The following DMD variants were observed in gnomAD, a reference collection of about 807,000 sequenced individuals.
The protein encoded by DMD is mutant dystrophin.
DMD carries 63 observed loss-of-function variants against 330.1 expected under a neutral mutation model. The observed-to-expected ratio is 0.19, with a 90% CI of 0.16 to 0.24. DMD has a LOEUF of 0.24. Among genes scored for constraint, DMD ranks in the 10% least tolerant of loss-of-function variants. The pLI, the probability that DMD is intolerant of heterozygous loss-of-function variation, is 1.00. For synonymous variants in DMD, 1,223 were observed against 959.8 expected, an observed-to-expected ratio of 1.27 and a Z score of -5.07; for missense variants, 3,344 against 2,684.1, an observed-to-expected ratio of 1.25 and a Z score of -5.43.
chrX:33,186,324 T>C (rs188168810), intron 1 of DMD, among the ~76,000 whole-genome samples: 1 of 112,118 alleles, frequency 8.9e-6, no homozygotes, highest in African/African-American at 3.2e-5. Flanking sequence ...GAATTTGAGA[T>C]CTATTTTCTG....
intron 1 of DMD, among the ~76,000 whole-genome samples, chrX:33,236,301 G>C (rs144171865): frequency 0.05 from 4,992 of 99,030 alleles, 336 homozygotes; most frequent in African/African-American, 0.18. Flanking sequence ...TTTCCCTCTT[G>C]TCACCTAGGC....
intron 44 of DMD, among the ~76,000 whole-genome samples, chrX:31,988,246 G>C (rs1230568963): frequency 9.1e-6 from 1 of 110,054 alleles, no homozygotes; most frequent in African/African-American, 3.3e-5. Flanking sequence ...GCCAAGGTGG[G>C]TGGATCATGA....
intron 16 of DMD, among the ~76,000 whole-genome samples, chrX:32,561,757 A>C (rs896013943): frequency 5.4e-5 from 6 of 111,903 alleles, no homozygotes; most frequent in Admixed American, 9.5e-5. Context: ...CTCCAGGTTT[A>C]AATGAAAGAA....
At chrX:32,350,789 G>A (rs1394207422) in intron 37 of DMD, among the ~76,000 whole-genome samples, 1 of 111,190 alleles carries the variant, frequency 9.0e-6, no homozygotes. Flanking sequence ...AGTAGTCAAG[G>A]CTTCTCCTAA....
chrX:31,570,396 T>C (rs765593538), intron 55 of DMD, among the ~76,000 whole-genome samples: 3 of 111,370 alleles, frequency 2.7e-5, no homozygotes, highest in South Asian at 3.8e-4. Flanking sequence ...TTCTTCTCCA[T>C]TGTTATTCCT....
intron 2 of DMD, among the ~76,000 whole-genome samples, chrX:32,977,828 T>C (rs2092597788): frequency 9.0e-6 from 1 of 111,425 alleles, no homozygotes; most frequent in African/African-American, 3.3e-5. Flanking sequence ...AGTTCTTCAT[T>C]CCACTAAACA....
In DMD at chrX:32,501,862, AT is replaced by A. The variant is rs1273151677; in HGVS notation, c.2293-21del. ...TATGGCCTGCAGCATGAGAGCAAAGATGAGTAATTCAATACAAGGACTGTGA... is the reference window on the plus strand; with the variant it reads ...TATGGCCTGCAGCATGAGAGCAAAGAGAGTAATTCAATACAAGGACTGTGA... On this transcript the variant is annotated intron_variant, in intron 18 of 78. Coordinates refer to ENST00000357033, the MANE Select transcript of DMD (RefSeq NM_004006.3). 3 of 1,127,484 alleles carry A rather than the reference AT, an allele frequency of 2.7e-6. No homozygotes were observed. The East Asian group carries it at 9.0e-5, about 34-fold the overall frequency. 92.9% of individuals were successfully genotyped at this position (1,127,484 alleles called of 1,213,427 possible). A position where few individuals can be genotyped will look rare whatever the true frequency, so the allele number is the denominator to read the frequency against.
intron 55 of DMD, among the ~76,000 whole-genome samples, chrX:31,535,510 C>A (rs1044387188): frequency 2.2e-5 from 2 of 89,876 alleles, no homozygotes; most frequent in African/African-American, 8.3e-5. Context: ...AAGATTTAAA[C>A]GTTAGACCTA....
chrX:32,279,566 G>C (rs930814819), intron 43 of DMD, among the ~76,000 whole-genome samples: 1 of 108,836 alleles, frequency 9.2e-6, no homozygotes, highest in Non-Finnish European at 1.9e-5. Context: ...GGCACAGAAA[G>C]ACAAACATCA....
At chrX:31,725,103 G>A (rs752543425) in intron 52 of DMD, among the ~76,000 whole-genome samples, 1 of 111,397 alleles carries the variant, frequency 9.0e-6, no homozygotes, top group Admixed American at 9.5e-5. Context: ...CATTTGATGT[G>A]CCTCGGGCTT....
intron 55 of DMD, among the ~76,000 whole-genome samples, chrX:31,563,066 TA>T (rs1433544208): frequency 2.7e-5 from 3 of 110,271 alleles, no homozygotes; most frequent in African/African-American, 1.0e-4. Context: ...TTTATTTATT[TA>T]TTTATTTATT....
At chrX:32,479,699 G>A (rs1189693019) in intron 21 of DMD, among the ~76,000 whole-genome samples, 2 of 108,323 alleles carry the variant, frequency 1.8e-5, no homozygotes, top group Non-Finnish European at 3.8e-5. Flanking sequence ...ATATATATAT[G>A]TCACTATATA....
rs1309733594 is a variant in DMD, at chrX:31,120,508, A to ATGTC, written c.*1407_*1410dup. On this transcript the variant is annotated 3_prime_UTR_variant, in exon 79 of 79. Coordinates refer to ENST00000357033, the MANE Select transcript of DMD (RefSeq NM_004006.3). ...TCCCAAAGTTTATTTATTTTAAATT[A>ATGTC]TGTCTTGTGGCATTTAAAAACTCAT... 18 of 112,208 alleles carry ATGTC rather than the reference A, an allele frequency of 1.6e-4. No homozygotes were observed. The highest frequency in any genetic ancestry group is 5.5e-4 in the African/African-American group (17 of 30,940). The allele number at this position is 112,208 out of a possible 1,213,427, so 9.2% of individuals were successfully genotyped here.
intron 1 of DMD, among the ~76,000 whole-genome samples, chrX:33,056,280 A>T (rs1335112194): frequency 9.1e-6 from 1 of 109,630 alleles, no homozygotes; most frequent in Non-Finnish European, 1.9e-5. Flanking sequence ...CTTTTCTCAC[A>T]TGGGCATTAA....
At chrX:33,261,015 A>C (rs1277605191) in intron 1 of DMD, among the ~76,000 whole-genome samples, 1 of 111,682 alleles carries the variant, frequency 9.0e-6, no homozygotes, top group African/African-American at 3.3e-5. Context: ...AGTAATATAG[A>C]TACATAAAAA....
chrX:32,198,615 G>A (rs1489335980), intron 44 of DMD, among the ~76,000 whole-genome samples: 1 of 111,614 alleles, frequency 9.0e-6, no homozygotes, highest in Non-Finnish European at 1.9e-5. Flanking sequence ...ACTCATTATA[G>A]AAGCATTTGT....
chrX:32,179,091 T>C (rs1031738597), intron 44 of DMD, among the ~76,000 whole-genome samples: 20 of 109,795 alleles, frequency 1.8e-4, no homozygotes, highest in African/African-American at 6.0e-4. Context: ...TGCCAGACTG[T>C]TTTGGACACT....
chrX:33,071,243 G>A (rs2148161046), intron 1 of DMD, among the ~76,000 whole-genome samples: 1 of 109,944 alleles, frequency 9.1e-6, no homozygotes, highest in Admixed American at 9.7e-5. Context: ...TTGAGGCCAG[G>A]AGTTCAAAAC....
At chrX:31,379,280 A>G (rs1403175773) in intron 60 of DMD, among the ~76,000 whole-genome samples, 1 of 110,944 alleles carries the variant, frequency 9.0e-6, no homozygotes, top group African/African-American at 3.3e-5. Flanking sequence ...GTTTCCTTCC[A>G]TGACTAGCCC....
Sources: gnomAD v4.1 joint callset for allele counts (sites outside exome capture counted in the v4.1 genomes callset) on GRCh38, gnomAD v4.1.1 for gene constraint, MANE v1.5 for transcripts, NCBI Gene and HGNC (gene_info 2026-07-23, HGNC 2026-07-21) for gene names.